Variants in OPCML observed in about 807,000 individuals in gnomAD.
OPCML encodes the protein opioid binding protein/cell adhesion molecule like, also known as opioid-binding protein/cell adhesion molecule.
OPCML carries 13 observed loss-of-function variants against 37.8 expected under a neutral mutation model. The observed-to-expected ratio is 0.34, with a 90% confidence interval of 0.22 to 0.55. The LOEUF is 0.55. OPCML is among the 20% of genes least tolerant of loss of function. The pLI is 0.91. For missense variants in OPCML, 341 were observed against 435.6 expected, an observed-to-expected ratio of 0.78 and a Z score of 1.93; for synonymous variants, 176 against 168.8, an observed-to-expected ratio of 1.04 and a Z score of -0.33.
intron 1 of OPCML, among the ~76,000 whole-genome samples, chr11:133,138,228 G>C (rs750061102): frequency 1.1e-4 from 17 of 152,156 alleles, no homozygotes; most frequent in Admixed American, 2.6e-4. Context: ...ATGTCTTGAC[G>C]CAGTGTATGA....
chr11:133,240,171 C>T (rs1339740348), intron 1 of OPCML, among the ~76,000 whole-genome samples: 1 of 140,692 alleles, frequency 7.1e-6, no homozygotes. Flanking sequence ...GCAAATAAGT[C>T]TCCTCTAGAA....
chr11:133,155,587 A>C (rs978701126), intron 1 of OPCML, among the ~76,000 whole-genome samples: 2 of 152,070 alleles, frequency 1.3e-5, no homozygotes, highest in African/African-American at 4.8e-5. Context: ...CCGCATACCC[A>C]GCCCACACCC....
intron 1 of OPCML, among the ~76,000 whole-genome samples, chr11:132,952,499 C>T (rs964578065): frequency 2.0e-5 from 3 of 152,196 alleles, no homozygotes; most frequent in African/African-American, 7.2e-5. Context: ...TATGCAAATA[C>T]ACATTCATTG....
chr11:133,310,553 T>C (rs1943044814), intron 1 of OPCML, among the ~76,000 whole-genome samples: 1 of 152,198 alleles, frequency 6.6e-6, no homozygotes, highest in South Asian at 2.1e-4. Context: ...AACAGTCTTA[T>C]TTTCTTTTTA....
intron 1 of OPCML, among the ~76,000 whole-genome samples, chr11:133,450,466 AT>A (rs1005259250): frequency 2.0e-5 from 3 of 151,566 alleles, no homozygotes; most frequent in Admixed American, 6.6e-5. Flanking sequence ...AACCTTTCTA[AT>A]TTAATTCTGG....
intron 2 of OPCML, among the ~76,000 whole-genome samples, chr11:132,863,145 G>A (rs1480145169): frequency 6.6e-6 from 1 of 152,142 alleles, no homozygotes; most frequent in African/African-American, 2.4e-5. Flanking sequence ...GGCGTGATCA[G>A]ACCCTTCCTG....
intron 1 of OPCML, among the ~76,000 whole-genome samples, chr11:132,978,192 C>T (rs376761861): frequency 1.3e-5 from 2 of 152,132 alleles, no homozygotes; most frequent in South Asian, 4.2e-4. Context: ...TAGTTGATGA[C>T]CAGTGGGTGC....
intron 1 of OPCML, among the ~76,000 whole-genome samples, chr11:133,081,904 G>A (rs930553153): frequency 6.6e-6 from 1 of 151,996 alleles, no homozygotes; most frequent in South Asian, 2.1e-4. Flanking sequence ...TGTGCTGTGA[G>A]GCCCTTTCTC....
chr11:133,436,775 G>T (rs1452267298), intron 1 of OPCML, among the ~76,000 whole-genome samples: 3 of 152,136 alleles, frequency 2.0e-5, no homozygotes, highest in African/African-American at 7.2e-5. Flanking sequence ...AACCGAACTC[G>T]CATGGTTCTT....
chr11:133,114,318 G>T (rs1034230153), intron 1 of OPCML, among the ~76,000 whole-genome samples: 1 of 152,060 alleles, frequency 6.6e-6, no homozygotes, highest in African/African-American at 2.4e-5. Context: ...CTTCCCAGTT[G>T]TTCTGGCCAA....
At chr11:133,396,289 A>C (rs1272455253) in intron 1 of OPCML, among the ~76,000 whole-genome samples, 1 of 152,134 alleles carries the variant, frequency 6.6e-6, no homozygotes, top group Admixed American at 6.5e-5. Flanking sequence ...ATTAGTTCTA[A>C]TAGTTTTTTG....
At chr11:132,808,909 T>C (rs1191380428) in intron 2 of OPCML, among the ~76,000 whole-genome samples, 1 of 152,062 alleles carries the variant, frequency 6.6e-6, no homozygotes, top group Non-Finnish European at 1.5e-5. Context: ...TAGTTTCAGA[T>C]ACAAACATAA....
intron 2 of OPCML, among the ~76,000 whole-genome samples, chr11:132,894,830 C>T (rs1412799722): frequency 1.3e-5 from 2 of 152,198 alleles, no homozygotes; most frequent in Non-Finnish European, 2.9e-5. Flanking sequence ...CACTCCTACC[C>T]CAGGTTTTCA....
intron 1 of OPCML, among the ~76,000 whole-genome samples, chr11:133,011,722 G>A (rs1218743156): frequency 6.6e-6 from 1 of 152,054 alleles, no homozygotes; most frequent in Non-Finnish European, 1.5e-5. Flanking sequence ...AAGACAGGCA[G>A]TCAGGAGCCA....
At chr11:133,075,458 G>T (rs886164843) in intron 1 of OPCML, among the ~76,000 whole-genome samples, 9 of 152,196 alleles carry the variant, frequency 5.9e-5, no homozygotes, top group Non-Finnish European at 1.3e-4. Flanking sequence ...CTTCCCAAGG[G>T]CTCTGGGGGA....
At chr11:133,460,587 C>A (rs1210154968) in intron 1 of OPCML, among the ~76,000 whole-genome samples, 5 of 151,756 alleles carry the variant, frequency 3.3e-5, no homozygotes, top group Admixed American at 2.0e-4. Flanking sequence ...AATTGGATTA[C>A]CAAATGAAAT....
At chr11:133,461,084 G>GT (rs373303637) in intron 1 of OPCML, among the ~76,000 whole-genome samples, 160 of 151,884 alleles carry the variant, frequency 1.1e-3, no homozygotes, top group African/African-American at 3.7e-3. Context: ...ATCTAACTCA[G>GT]TAAGAGCCAT....
At chr11:132,873,469 T>G (rs2136401411) in intron 2 of OPCML, among the ~76,000 whole-genome samples, 1 of 152,098 alleles carries the variant, frequency 6.6e-6, no homozygotes, top group African/African-American at 2.4e-5. Context: ...GCAGAATGGG[T>G]ACAAGTCCAC....
intron 1 of OPCML, chr11:133,008,394 G>A (rs1224009217): frequency 6.1e-6 from 6 of 985,396 alleles, no homozygotes; most frequent in Non-Finnish European, 7.2e-6. Context: ...GAGGACATCC[G>A]AGATTGTGCT....
Sources: gnomAD v4.1 joint callset for allele counts (sites outside exome capture counted in the v4.1 genomes callset) on GRCh38, gnomAD v4.1.1 for gene constraint, MANE v1.5 for transcripts, NCBI Gene and HGNC (gene_info 2026-07-23, HGNC 2026-07-21) for gene names.